The following MYT1L variants were observed in gnomAD, a reference collection of about 807,000 sequenced individuals.
MYT1L encodes the protein myelin transcription factor 1 like.
MYT1L carries 12 observed loss-of-function variants against 126.7 expected under a neutral mutation model. The observed-to-expected ratio is 0.09, with a 90% confidence interval of 0.06 to 0.15. MYT1L has a LOEUF of 0.15. Among genes scored for constraint, MYT1L ranks in the 10% least tolerant of loss-of-function variants. The pLI is 1.00. For missense variants in MYT1L, 979 were observed against 1,585.2 expected (o/e 0.62, Z 6.49); for synonymous variants, 541 against 604.2 (o/e 0.90, Z 1.53).
chr2:1,966,627 G>A (rs921578943), intron 8 of MYT1L, among the ~76,000 whole-genome samples: 59 of 152,126 alleles, frequency 3.9e-4, no homozygotes, highest in Admixed American at 2.0e-4. Flanking sequence ...TGCACAATAT[G>A]GAGATGTTTT....
intron 2 of MYT1L, among the ~76,000 whole-genome samples, chr2:2,250,742 A>C (rs1176150778): frequency 6.6e-6 from 1 of 152,104 alleles, no homozygotes. Context: ...TACACATTGC[A>C]TGCCTGTACC....
At chr2:2,242,403 A>C (rs539905539) in intron 2 of MYT1L, among the ~76,000 whole-genome samples, 18 of 152,238 alleles carry the variant, frequency 1.2e-4, no homozygotes, top group Non-Finnish European at 2.4e-4. Context: ...AATTTTCACC[A>C]CATATTACGA....
intron 18 of MYT1L, 118 bp from the exon 19 acceptor site, chr2:1,851,821 A>G (rs2043296862): frequency 1.0e-6 from 1 of 974,500 alleles, no homozygotes; most frequent in South Asian, 1.5e-5. Flanking sequence ...TACTTGAAAG[A>G]GGCTGAGTGG....
intron 2 of MYT1L, among the ~76,000 whole-genome samples, chr2:2,210,016 T>C (rs1258909314): frequency 1.3e-5 from 2 of 152,240 alleles, no homozygotes; most frequent in African/African-American, 4.8e-5. Context: ...CCCTGCAGGT[T>C]TGATTTGCAT....
chr2:1,848,074 CAA>C lies in MYT1L; in HGVS notation c.2774+3565_2774+3566del, dbSNP rs2042736439. On this transcript the variant is annotated intron_variant, in intron 19 of 24. Coordinates refer to ENST00000647738, the MANE Select transcript of MYT1L (RefSeq NM_001303052.2). The surrounding 1 kb of genome is among the most constrained non-coding windows in gnomAD (Gnocchi z 4.8). ...CCTGGCCCCTCAGTTTCCTCAAATT[CAA>C]AAGTTAATGAAATCGCTAATTCTCA... Among the ~76,000 whole-genome samples the C allele has an allele frequency of 6.6e-6, 1 of 152,152 alleles. No individual in the cohort carries two copies. Among genetic ancestry groups the C allele is most frequent in the Admixed American group, 6.5e-5 (1 of 15,274 alleles).
intron 2 of MYT1L, among the ~76,000 whole-genome samples, chr2:2,237,581 T>C (rs1426639487): frequency 6.6e-6 from 1 of 152,174 alleles, no homozygotes; most frequent in Non-Finnish European, 1.5e-5. Context: ...TCTCATGGCC[T>C]CTTTATCCAA....
Position 2,032,526 on chromosome 2 carries a change from G to C in MYT1L, c.-158+21452C>G, listed in dbSNP as rs147289353. 7.6e-3 allele frequency among the ~76,000 whole-genome samples: 1,076 copies of C among 141,332 alleles called. 24 individuals are homozygous for C. Among genetic ancestry groups the C allele is most frequent in the African/African-American group, 0.027 (1,006 of 37,150 alleles). 92.7% of individuals were successfully genotyped at this position (141,332 alleles called of 152,430 possible). ...ATCCTGTGGCCCAGAGAAGATTCTA[G>C]AAGGAGGGCCTTACACACATCCCTC... On this transcript the variant is annotated intron_variant, in intron 4 of 24. Transcript: ENST00000647738.
chr2:1,865,744 G>A (rs2045378196), intron 18 of MYT1L, among the ~76,000 whole-genome samples: 2 of 152,114 alleles, frequency 1.3e-5, no homozygotes, highest in Non-Finnish European at 2.9e-5. Context: ...GCAGGGGTAA[G>A]AAGAGCCAGC....
intron 8 of MYT1L, among the ~76,000 whole-genome samples, chr2:1,956,742 GTTGACAAGAGATAT>G (rs1417602667): frequency 2.0e-5 from 3 of 151,912 alleles, no homozygotes; most frequent in Non-Finnish European, 4.4e-5. Context: ...AGAGATATAA[GTTGACAAGAGATAT>G]AATATTTTCT....
rs1450400440 is a variant in MYT1L, at chr2:2,088,780, TGAAC to T, written c.-303-34661_-303-34658del. Among the ~76,000 whole-genome samples the T allele has an allele frequency of 3.9e-5, 6 of 152,344 alleles. No individual in the cohort carries two copies. In the East Asian group the frequency reaches 1.2e-3, roughly 29 times the overall value. ...TAAAGAAAGAATGCAGTCAGCAATT[TGAAC>T]GAACAATTACGACCAGTTTTATGAG... is the stretch of plus-strand genomic sequence containing the variant. On this transcript the variant is annotated intron_variant, in intron 3 of 24. Coordinates refer to ENST00000647738, the MANE Select transcript of MYT1L (RefSeq NM_001303052.2).
intron 22 of MYT1L, among the ~76,000 whole-genome samples, chr2:1,804,965 C>T (rs1023063152): frequency 2.0e-5 from 3 of 152,252 alleles, no homozygotes; most frequent in South Asian, 2.1e-4. Flanking sequence ...CCCCACTACC[C>T]GCCAAAAAGC....
chr2:2,296,017 A>G (rs1191226438), intron 1 of MYT1L, among the ~76,000 whole-genome samples: 1 of 152,210 alleles, frequency 6.6e-6, no homozygotes, highest in Non-Finnish European at 1.5e-5. Context: ...ACCCAAATAC[A>G]TACAATCAAG....
At chr2:1,816,374 G>A (rs1051891073) in intron 21 of MYT1L, 1 of 152,616 alleles carries the variant, frequency 6.6e-6, no homozygotes, top group East Asian at 1.9e-4. Context: ...GGCAATTCCT[G>A]GCTCAGGAGC....
At chr2:1,915,281 A>C (rs1257615354) in intron 11 of MYT1L, among the ~76,000 whole-genome samples, 1 of 152,170 alleles carries the variant, frequency 6.6e-6, no homozygotes, top group Non-Finnish European at 1.5e-5. Context: ...GTTATAAAGA[A>C]TCGCACAGGA....
chr2:2,155,649 T>C (rs2086604837), intron 3 of MYT1L, among the ~76,000 whole-genome samples: 2 of 152,212 alleles, frequency 1.3e-5, no homozygotes, highest in Admixed American at 6.5e-5. Context: ...ACAAGCTTTA[T>C]TGCATGCTAA....
intron 1 of MYT1L, among the ~76,000 whole-genome samples, chr2:2,311,033 C>T (rs1280109508): frequency 6.6e-6 from 1 of 152,186 alleles, no homozygotes; most frequent in Non-Finnish European, 1.5e-5. Context: ...TGGGTCAACC[C>T]TGAAGTGCTG....
intron 1 of MYT1L, among the ~76,000 whole-genome samples, chr2:2,311,052 T>C (rs1291272306): frequency 6.6e-6 from 1 of 152,204 alleles, no homozygotes; most frequent in Non-Finnish European, 1.5e-5. Context: ...TGGCATTTGA[T>C]ACTGTACCCA....
chr2:1,901,992 C>A (rs1307961084), intron 14 of MYT1L, among the ~76,000 whole-genome samples: 3 of 152,162 alleles, frequency 2.0e-5, no homozygotes, highest in Admixed American at 6.5e-5. Flanking sequence ...AGCTTGATGA[C>A]CTTTTTTAAA....
chr2:2,295,593 C>CAGACAGAGAGAG (rs2095664666), intron 1 of MYT1L, among the ~76,000 whole-genome samples: 1 of 20,794 alleles, frequency 4.8e-5, no homozygotes, highest in Non-Finnish European at 9.2e-5. Context: ...GACAGACAGA[C>CAGACAGAGAGAG]AGAGAGAGAG....
Sources: gnomAD v4.1 joint callset for allele counts (sites outside exome capture counted in the v4.1 genomes callset) on GRCh38, gnomAD v4.1.1 for gene constraint, Gnocchi (gnomAD v3.1) non-coding constraint, MANE v1.5 for transcripts, NCBI Gene and HGNC (gene_info 2026-07-23, HGNC 2026-07-21) for gene names.